The following ACHE variants were observed in gnomAD, a reference collection of about 807,000 sequenced individuals.
ACHE encodes acetylcholinesterase.
In ACHE, 19 loss-of-function variants were observed where a neutral mutation model predicts 53.9. The ratio of observed to expected loss-of-function variants is 0.35; its 90% confidence interval spans 0.25 to 0.52. The LOEUF (loss-of-function observed/expected upper bound fraction) is 0.52. ACHE is among the 20% of genes least tolerant of loss of function. ACHE has a pLI of 0.95. For missense variants in ACHE, 605 were observed against 849.4 expected, an observed-to-expected ratio of 0.71 and a Z score of 3.58; for synonymous variants, 392 against 378.1, an observed-to-expected ratio of 1.04 and a Z score of -0.43.
In ACHE at chr7:100,894,879, C is replaced by CA. The variant is rs17885535; in HGVS notation, c.-20-628dup. On this transcript the variant is annotated intron_variant, in intron 1 of 4. Transcript: ENST00000241069. ...GCTGCGCACGCTCCCAGCCCAGCCC[C>CA]AGCAAACAGGCTCGCCAGCCCGCGT... Among the ~76,000 whole-genome samples, 1,199 of 152,296 alleles carry CA rather than the reference C, an allele frequency of 7.9e-3. 9 individuals are homozygous for CA. Among genetic ancestry groups the CA allele is most frequent in the African/African-American group, 0.027 (1,109 of 41,560 alleles).
At position 100,892,962 on chromosome 7, in the gene ACHE, G is replaced by A. The variant is rs562865496; in HGVS notation, c.1069-144C>T. Reference sequence around the variant, plus strand: ...ACAGAGAGAGGACGAGATCAGGGGAGGGATGCAGAGAAAGAGAAAATAGAC... The same window carrying A: ...ACAGAGAGAGGACGAGATCAGGGGAAGGATGCAGAGAAAGAGAAAATAGAC... On this transcript the variant is annotated intron_variant, in intron 2 of 4. Transcript: ENST00000241069. This position sits in a 1 kb window ranked among gnomAD's most constrained non-coding sequence, Gnocchi z 5.2. 8 of 1,263,610 alleles carry A rather than the reference G, an allele frequency of 6.3e-6. No homozygotes were observed. Among genetic ancestry groups the A allele is most frequent in the Non-Finnish European group, 8.5e-6 (8 of 936,564 alleles). The allele number at this position is 1,263,610 out of a possible 1,614,324, so 78.3% of individuals were successfully genotyped here.
chr7:100,893,075 G>C (rs940613485), intron 2 of ACHE, 90 bp downstream of exon 2: 2 of 1,408,410 alleles, frequency 1.4e-6, no homozygotes, highest in African/African-American at 1.4e-5. Flanking sequence ...AATGGGCCTG[G>C]AGAAGCCCTC....
intron 4 of ACHE, chr7:100,890,940 T>C: frequency 6.8e-7 from 1 of 1,469,398 alleles, no homozygotes; most frequent in Non-Finnish European, 9.0e-7. Flanking sequence ...CCTGTGGCCG[T>C]AGGGGAAGAG....
chr7:100,891,311 C>A lies in ACHE; in HGVS notation c.1581G>T (p.Lys527Asn). 1 of 1,578,452 alleles carries A rather than the reference C, an allele frequency of 6.3e-7. No individual in the cohort carries two copies. The highest frequency in any genetic ancestry group is 8.6e-7 in the Non-Finnish European group (1 of 1,163,382). The change falls in exon 4 of 5, where the codon AAG (lysine) becomes AAT (asparagine). Residue 527 changes from lysine (K) to asparagine (N), a missense_variant. Lys to Asn is a moderately conservative substitution (Grantham distance 94). This residue lies in a region of ACHE where 91 missense variants were observed against 83.2 expected (regional missense o/e 1.09). Coordinates refer to ENST00000241069, the MANE Select transcript of ACHE (RefSeq NM_000665.5). ...TGDPNEPRDPKAPQWPPYTAG... is the reference protein window; with the variant it reads ...TGDPNEPRDPNAPQWPPYTAG... ...CCGTGTACGGGGGCCATTGTGGGGCCTTGGGGTCTCGGGGCTCATTGGGAT... is the reference window on the plus strand; with the variant it reads ...CCGTGTACGGGGGCCATTGTGGGGCATTGGGGTCTCGGGGCTCATTGGGAT...
chr7:100,891,375 G>C (rs1563034175), intron 3 of ACHE, 37 bp from the exon 4 acceptor site: 1 of 1,489,568 alleles, frequency 6.7e-7, no homozygotes, highest in Middle Eastern at 2.6e-4. Flanking sequence ...CAGACGGGCA[G>C]TGGGAGGAGG....
In ACHE at chr7:100,890,206, C is replaced by T. The variant is rs781096105; in HGVS notation, c.*8G>A. 1.9e-6 allele frequency: 3 copies of T among 1,613,532 alleles called. No homozygotes were observed. The highest frequency in any genetic ancestry group is 1.3e-5 in the African/African-American group (1 of 74,908). ...GGCGGAGCGGAGGACATGGGGGTCC[C>T]GCCGGGGTCACAGGTCTGAGCAGCG... On this transcript the variant is annotated 3_prime_UTR_variant, in exon 5 of 5. Transcript: ENST00000241069.
At chr7:100,891,375 G>A (rs1563034175) in intron 3 of ACHE, 37 bp from the exon 4 acceptor site, 2 of 1,489,450 alleles carry the variant, frequency 1.3e-6, no homozygotes, top group African/African-American at 1.4e-5. Context: ...CAGACGGGCA[G>A]TGGGAGGAGG....
At chr7:100,893,071 C>T (rs1408189309) in intron 2 of ACHE, 94 bp downstream of exon 2, 3 of 1,393,908 alleles carry the variant, frequency 2.2e-6, no homozygotes, top group Admixed American at 2.0e-5. Context: ...TGGGAATGGG[C>T]CTGGAGAAGC....
In ACHE at chr7:100,892,363, C is replaced by T. The variant is rs770906989; in HGVS notation, c.1524G>A (p.Met508Ile). Residue 508 changes from methionine to isoleucine, a missense_variant, in exon 3 of 5, where the codon ATG becomes ATA. Met to Ile is a conservative substitution (Grantham distance 10). This residue lies in a region of ACHE where 397 missense variants were observed against 632.5 expected (regional missense o/e 0.63). Transcript: ENST00000241069. The surrounding 1 kb of genome is among the most constrained non-coding windows in gnomAD (Gnocchi z 5.2). ...AEEKIFAQRL[M>I]RYWANFARTG... ...TGCGGGCAAAGTTGGCCCAGTATCG[C>T]ATCAGTCGCTGGGCGAAGATTTTCT... 6.6e-7 allele frequency: 1 copy of T among 1,517,868 alleles called. No individual in the cohort carries two copies. Among genetic ancestry groups the T allele is most frequent in the East Asian group, 2.3e-5 (1 of 43,850 alleles). The allele number at this position is 1,517,868 out of a possible 1,614,324, so 94.0% of individuals were successfully genotyped here. A position where few individuals can be genotyped will look rare whatever the true frequency, so the allele number is the denominator to read the frequency against.
rs542656834 is a variant in ACHE at position 100,894,398 on chromosome 7, G to A, written c.-20-146C>T. The A allele has an allele frequency of 1.2e-5, 6 of 505,822 alleles. No individual in the cohort carries two copies. In the South Asian group the frequency reaches 1.2e-4, roughly 10 times the overall value. The allele number at this position is 505,822 out of a possible 1,614,324, so 31.3% of individuals were successfully genotyped here. A position where few individuals can be genotyped will look rare whatever the true frequency, so the allele number is the denominator to read the frequency against. On this transcript the variant is annotated intron_variant, in intron 1 of 4. Transcript: ENST00000241069. ...AAAGATGAGGGGAGAGAGGGAGGGA[G>A]GGAAGGAGACAGGCAGAGACAAGGA...
Position 100,892,269 on chromosome 7 carries a change from C to A in ACHE, c.1553+65G>T. 1 of 1,466,706 alleles carries A rather than the reference C, an allele frequency of 6.8e-7. No individual in the cohort carries two copies. The highest frequency in any genetic ancestry group is 9.0e-7 in the Non-Finnish European group (1 of 1,104,996). 90.9% of individuals were successfully genotyped at this position (1,466,706 alleles called of 1,614,324 possible). ...GTCCTTTCTGTCTCCGTGTGTCTGC[C>A]TTTGTGTGTCCTCCCGCCCCCGACT... On this transcript the variant is annotated intron_variant, in intron 3 of 4. Coordinates refer to ENST00000241069, the MANE Select transcript of ACHE (RefSeq NM_000665.5). The surrounding 1 kb of genome is among the most constrained non-coding windows in gnomAD (Gnocchi z 5.2).
Position 100,890,105 on chromosome 7 carries a change from G to C in ACHE, c.*109C>G. The C allele has an allele frequency of 7.1e-7, 1 of 1,398,884 alleles. No individual in the cohort carries two copies. Among genetic ancestry groups the C allele is most frequent in the Non-Finnish European group, 9.7e-7 (1 of 1,036,142 alleles). The allele number at this position is 1,398,884 out of a possible 1,614,324, so 86.7% of individuals were successfully genotyped here. On this transcript the variant is annotated 3_prime_UTR_variant, in exon 5 of 5. Transcript: ENST00000241069. ...CCCCGGGGGACGTCGGGGTGGGGTG[G>C]GGATGGGCAGAGTCTGGGGCTCGTC...
intron 4 of ACHE, 143 bp downstream of exon 4, chr7:100,891,026 G>T (rs753868674): frequency 1.4e-6 from 2 of 1,457,714 alleles, no homozygotes; most frequent in African/African-American, 1.4e-5. Flanking sequence ...GGCAGGGGGA[G>T]GCCGGGCCTC....
chr7:100,894,814 A>G (rs965230741), intron 1 of ACHE, among the ~76,000 whole-genome samples: 2 of 151,854 alleles, frequency 1.3e-5, no homozygotes, highest in Non-Finnish European at 2.9e-5. Flanking sequence ...TTCTCATCCA[A>G]TGTCTGGCAC....
chr7:100,896,760 C>G (rs927140458), upstream of ACHE: 1 of 316,708 alleles, frequency 3.2e-6, no homozygotes, highest in Non-Finnish European at 6.7e-6. Context: ...CAGGTGGGAG[C>G]GGCCTGGCTC....
intron 2 of ACHE, 74 bp downstream of exon 2, chr7:100,893,091 T>C (rs1790799627): frequency 6.8e-7 from 1 of 1,469,662 alleles, no homozygotes; most frequent in East Asian, 2.4e-5. Context: ...CCCTCATGCC[T>C]GGGTCCCTGC....
chr7:100,893,147 C>A lies in ACHE; in HGVS notation c.1068+18G>T. 1 of 1,611,676 alleles carries A rather than the reference C, an allele frequency of 6.2e-7. No homozygotes were observed. Among genetic ancestry groups the A allele is most frequent in the Non-Finnish European group, 8.5e-7 (1 of 1,178,886 alleles). Reference sequence around the variant, plus strand: ...GGACCCAGAGGAGCCAGCTTCACGCCAGCTAGCCACTAGTTACCTGCAGGC... The same window carrying A: ...GGACCCAGAGGAGCCAGCTTCACGCAAGCTAGCCACTAGTTACCTGCAGGC... On this transcript the variant is annotated intron_variant, in intron 2 of 4. Transcript: ENST00000241069.
rs529092085 is a variant in ACHE, at chr7:100,893,252, C to A, written c.981G>T (p.Arg327=). 1 of 1,614,110 alleles carries A rather than the reference C, an allele frequency of 6.2e-7. No homozygotes were observed. Among genetic ancestry groups the A allele is most frequent in the East Asian group, 2.2e-5 (1 of 44,876 alleles). Residue 327 remains arginine (R), a synonymous_variant, in exon 2 of 5, where the codon CGG becomes CGT. Transcript: ENST00000241069. ...WHVLPQESVF[R]FSFVPVVDGD... ...CATCTACCACAGGCACGAAGGAGAACCGGAAGACGCTTTCTTGAGGCAGCA... is the reference window on the plus strand; with the variant it reads ...CATCTACCACAGGCACGAAGGAGAAACGGAAGACGCTTTCTTGAGGCAGCA...
upstream of ACHE, chr7:100,896,659 G>A (rs1353442994): frequency 1.6e-5 from 5 of 303,060 alleles, no homozygotes; most frequent in Non-Finnish European, 3.5e-5. Flanking sequence ...GTCTGTGCTG[G>A]TTCCCTGACG....
Sources: allele counts gnomAD v4.1 joint callset (sites outside exome capture counted in the v4.1 genomes callset), GRCh38; gene constraint gnomAD v4.1.1; regional missense constraint gnomAD v4.1.1; non-coding constraint Gnocchi (gnomAD v3.1); transcripts MANE v1.5; gene names NCBI Gene and HGNC (gene_info 2026-07-23, HGNC 2026-07-21).